MTIF3: variants seen among roughly 807,000 people sequenced by gnomAD.
The protein encoded by MTIF3 is mitochondrial translational initiation factor 3.
In MTIF3, 13 loss-of-function variants were observed where a neutral mutation model predicts 20.7. The ratio of observed to expected loss-of-function variants is 0.63; its 90% confidence interval spans 0.41 to 1.00. The LOEUF is 1.00. MTIF3 is among the 50% of genes least tolerant of loss of function. MTIF3 has a pLI of 0.00. For missense variants in MTIF3, 295 were observed against 324.5 expected (o/e 0.91, Z 0.70); for synonymous variants, 114 against 112.5 (o/e 1.01, Z -0.08).
In MTIF3 at chr13:27,435,845, A is replaced by G. The variant is rs1953720023; in HGVS notation, c.667T>C (p.Phe223Leu). ...TGAACAGCTTGTGGCCTAGATGAGA[A>G]TGTAGCTATTCCAGGCATAGTCTGG... The part of the protein sequence containing the change: ...ILQTMPGIAT[F>L]SSRPQAVQGG... The change falls in exon 5 of 5, where the codon TTC becomes CTC. Residue 223 changes from phenylalanine to leucine, a missense_variant. Transcript: ENST00000381120. 6.2e-7 allele frequency: 1 copy of G among 1,614,042 alleles called. No individual in the cohort carries two copies. Among genetic ancestry groups the G allele is most frequent in the Non-Finnish European group, 8.5e-7 (1 of 1,180,016 alleles).
At chr13:27,443,130 T>A (rs2138140086) in intron 2 of MTIF3, among the ~76,000 whole-genome samples, 1 of 152,326 alleles carries the variant, frequency 6.6e-6, no homozygotes, top group African/African-American at 2.4e-5. Flanking sequence ...CAGATGCCCG[T>A]CAGTAATGGT....
Position 27,440,239 on chromosome 13 carries a change from CTT to C in MTIF3, c.208_209del (p.Lys70GlufsTer2). Reference sequence around the variant, plus strand: ...CAACGTTACTAAAAGCTGTTTTATTCTTTTTTGTCTTTTTTCCTTCATTCTGG... The same window carrying C: ...CAACGTTACTAAAAGCTGTTTTATTCTTTTGTCTTTTTTCCTTCATTCTGG... ...DTQNEGKKTK[K>X]NKTAFSNVGR... is the part of the protein sequence containing the mutation. On this transcript the variant is annotated frameshift_variant, in exon 3 of 5. Coordinates refer to ENST00000381120, the MANE Select transcript of MTIF3 (RefSeq NM_152912.5). LOFTEE classifies it high-confidence loss of function. 3 of 1,614,142 alleles carry C rather than the reference CTT, an allele frequency of 1.9e-6. No individual in the cohort carries two copies. The highest frequency in any genetic ancestry group is 2.5e-6 in the Non-Finnish European group (3 of 1,180,004).
Position 27,440,218 on chromosome 13 carries a change from G to T in MTIF3, c.231C>A (p.Asn77Lys), listed in dbSNP as rs149627575. 1.2e-6 allele frequency: 2 copies of T among 1,613,982 alleles called. No homozygotes were observed. Among genetic ancestry groups the T allele is most frequent in the African/African-American group, 2.7e-5 (2 of 74,874 alleles). The change falls in exon 3 of 5, where the codon AAC (asparagine) becomes AAA (lysine). Residue 77 changes from asparagine to lysine, a missense_variant. Transcript: ENST00000381120. ...CTCGCTGACTAATTTTTCTTCCAAC[G>T]TTACTAAAAGCTGTTTTATTCTTTT... ...KTKKNKTAFS[N>K]VGRKISQRVI...
At chr13:27,443,712 A>G (rs1003004151) in intron 2 of MTIF3, among the ~76,000 whole-genome samples, 3 of 152,190 alleles carry the variant, frequency 2.0e-5, no homozygotes, top group African/African-American at 7.2e-5. Flanking sequence ...AATTATCAAC[A>G]TATTAAAATA....
At chr13:27,436,230 G>A (rs921328290) in intron 4 of MTIF3, among the ~76,000 whole-genome samples, 6 of 152,038 alleles carry the variant, frequency 3.9e-5, no homozygotes, top group Non-Finnish European at 5.9e-5. Context: ...GGTGTCAGCC[G>A]AGCAGTTCTC....
intron 3 of MTIF3, among the ~76,000 whole-genome samples, chr13:27,438,495 T>TTG (rs1368565021): frequency 4.1e-5 from 6 of 145,410 alleles, no homozygotes; most frequent in African/African-American, 1.5e-4. Flanking sequence ...TTTTTTTTTT[T>TTG]TTTTTTTTTT....
chr13:27,445,535 G>A (rs1016847221), intron 1 of MTIF3, among the ~76,000 whole-genome samples: 2 of 151,948 alleles, frequency 1.3e-5, no homozygotes, highest in African/African-American at 4.8e-5. Flanking sequence ...GATTCAGGCA[G>A]GATGCAAGAG....
intron 1 of MTIF3, among the ~76,000 whole-genome samples, chr13:27,447,123 G>A (rs1323858379): frequency 6.2e-5 from 9 of 145,976 alleles, no homozygotes; most frequent in South Asian, 4.3e-4. Flanking sequence ...ACGGCCTGTC[G>A]GCATCACCTG....
intron 2 of MTIF3, among the ~76,000 whole-genome samples, chr13:27,440,650 T>C (rs573941526): frequency 1.3e-5 from 2 of 152,178 alleles, no homozygotes; most frequent in South Asian, 4.2e-4. Flanking sequence ...CTGGCCAGAC[T>C]AACTCATGGT....
chr13:27,439,352 C>A (rs1016789067), intron 3 of MTIF3, among the ~76,000 whole-genome samples: 5 of 152,052 alleles, frequency 3.3e-5, no homozygotes, highest in Admixed American at 6.5e-5. Flanking sequence ...AAAAATTAGC[C>A]GGGCGTGGTG....
intron 1 of MTIF3, among the ~76,000 whole-genome samples, chr13:27,446,584 G>C (rs1042086439): frequency 6.6e-6 from 1 of 152,152 alleles, no homozygotes; most frequent in African/African-American, 2.4e-5. Context: ...TGGTTCACTG[G>C]TAATGCCAAT....
intron 2 of MTIF3, among the ~76,000 whole-genome samples, chr13:27,443,195 G>T (rs1230034375): frequency 6.6e-6 from 1 of 152,210 alleles, no homozygotes; most frequent in Non-Finnish European, 1.5e-5. Flanking sequence ...TTGATTTATG[G>T]TTATTACCCA....
chr13:27,441,796 G>A (rs978153541), intron 2 of MTIF3, among the ~76,000 whole-genome samples: 2 of 152,172 alleles, frequency 1.3e-5, no homozygotes, highest in Non-Finnish European at 2.9e-5. Context: ...TGTCTTCAGG[G>A]TGCTTCTCAA....
At chr13:27,446,584 G>A (rs1042086439) in intron 1 of MTIF3, among the ~76,000 whole-genome samples, 1 of 152,152 alleles carries the variant, frequency 6.6e-6, no homozygotes, top group African/African-American at 2.4e-5. Context: ...TGGTTCACTG[G>A]TAATGCCAAT....
chr13:27,438,110 G>C (rs1450955404), intron 3 of MTIF3, among the ~76,000 whole-genome samples: 2 of 152,096 alleles, frequency 1.3e-5, no homozygotes, highest in Non-Finnish European at 2.9e-5. Context: ...AATGAGGGAG[G>C]AGGTAGAGAA....
chr13:27,445,400 C>CTGAGGA (rs1954150259), intron 1 of MTIF3, among the ~76,000 whole-genome samples: 1 of 151,804 alleles, frequency 6.6e-6, no homozygotes, highest in Non-Finnish European at 1.5e-5. Context: ...CACTTGAGCC[C>CTGAGGA]AGGAGGTTGA....
chr13:27,438,520 T>G (rs1467688102), intron 3 of MTIF3, among the ~76,000 whole-genome samples: 6 of 128,154 alleles, frequency 4.7e-5, no homozygotes, highest in Admixed American at 1.8e-4. Flanking sequence ...AAACACAGGG[T>G]CTCGCTCTGT....
chr13:27,450,252 G>A (rs577432924), intron 1 of MTIF3: 1 of 152,452 alleles, frequency 6.6e-6, no homozygotes, highest in African/African-American at 2.4e-5. Flanking sequence ...AACTAGAAAA[G>A]CTCAGTGGGG....
intron 1 of MTIF3, among the ~76,000 whole-genome samples, chr13:27,449,201 G>A (rs1388532708): frequency 6.6e-6 from 1 of 151,994 alleles, no homozygotes; most frequent in East Asian, 1.9e-4. Flanking sequence ...CCAACACCAA[G>A]CCTCATCGAC....
Sources: allele counts gnomAD v4.1 joint callset (sites outside exome capture counted in the v4.1 genomes callset), GRCh38; gene constraint gnomAD v4.1.1; transcripts MANE v1.5; gene names NCBI Gene and HGNC (gene_info 2026-07-23, HGNC 2026-07-21).